SORCS3: variants seen among roughly 807,000 people sequenced by gnomAD.
SORCS3 encodes the protein VPS10 domain-containing receptor SorCS3.
SORCS3 carries 57 observed loss-of-function variants against 146.3 expected under a neutral mutation model. That is an observed-to-expected ratio of 0.39 (90% CI 0.31 to 0.49). SORCS3 has a LOEUF of 0.49. Among genes scored for constraint, SORCS3 ranks in the 20% least tolerant of loss-of-function variants. The pLI, the probability that SORCS3 is intolerant of heterozygous loss-of-function variation, is 0.92. For synonymous variants in SORCS3, 653 were observed against 618.5 expected (o/e 1.06, Z -0.83); for missense variants, 1,341 against 1,575.5 (o/e 0.85, Z 2.52).
chr10:105,169,202 G>T (rs183201174), intron 13 of SORCS3, among the ~76,000 whole-genome samples: 3 of 152,156 alleles, frequency 2.0e-5, no homozygotes, highest in African/African-American at 7.2e-5. Flanking sequence ...CACCAAGTTC[G>T]ATTTCTGTCA....
chr10:104,957,247 C>T (rs1304143775), intron 3 of SORCS3, among the ~76,000 whole-genome samples: 2 of 152,098 alleles, frequency 1.3e-5, no homozygotes, highest in Admixed American at 1.3e-4. Context: ...GAAAATGATT[C>T]GATCTTAAAA....
chr10:105,072,493 A>G (rs790746), intron 5 of SORCS3, among the ~76,000 whole-genome samples: 142,465 of 152,106 alleles, frequency 0.94, 66,759 homozygotes, highest in East Asian at 1. Context: ...TGATGGATAC[A>G]AGCATGAGCA....
At chr10:105,003,205 A>G (rs924111144) in intron 4 of SORCS3, among the ~76,000 whole-genome samples, 45 of 152,184 alleles carry the variant, frequency 3.0e-4, no homozygotes, top group African/African-American at 1.0e-3. Flanking sequence ...CATGGAGTGA[A>G]AGCTGAGGAA....
intron 2 of SORCS3, among the ~76,000 whole-genome samples, chr10:104,854,601 T>TG (rs1466974796): frequency 1.3e-5 from 2 of 152,110 alleles, no homozygotes; most frequent in Non-Finnish European, 2.9e-5. Flanking sequence ...TGAGTTTGTG[T>TG]GGGGGTGTGG....
chr10:105,007,521 T>A (rs2055103839), intron 4 of SORCS3, among the ~76,000 whole-genome samples: 1 of 152,082 alleles, frequency 6.6e-6, no homozygotes, highest in East Asian at 1.9e-4. Context: ...AGAAGTAACT[T>A]TTCCAAGATG....
At chr10:105,191,549 T>C (rs2056517051) in intron 14 of SORCS3, among the ~76,000 whole-genome samples, 1 of 152,180 alleles carries the variant, frequency 6.6e-6, no homozygotes, top group African/African-American at 2.4e-5. Context: ...GTTAGTATGA[T>C]TTTGAATATT....
At chr10:105,123,781 T>C (rs2178147) in intron 7 of SORCS3, among the ~76,000 whole-genome samples, 73,523 of 151,862 alleles carry the variant, frequency 0.48, 18,343 homozygotes, top group Non-Finnish European at 0.54. Context: ...ACTTATTCTG[T>C]CAGTCTCCCA....
intron 7 of SORCS3, 36 bp from the exon 8 acceptor site, chr10:105,139,361 C>T (rs1042708485): frequency 6.7e-7 from 1 of 1,496,820 alleles, no homozygotes; most frequent in South Asian, 1.1e-5. Context: ...GATCTGTGGC[C>T]TCATCTGATC....
intron 12 of SORCS3, among the ~76,000 whole-genome samples, chr10:105,166,526 A>G (rs562578023): frequency 6.8e-4 from 103 of 152,294 alleles, no homozygotes; most frequent in African/African-American, 2.3e-3. Context: ...GGAACCTTGT[A>G]TTGAAGTCAG....
chr10:104,685,341 G>A (rs144791340), intron 1 of SORCS3, among the ~76,000 whole-genome samples: 1 of 152,252 alleles, frequency 6.6e-6, no homozygotes, highest in Non-Finnish European at 1.5e-5. Flanking sequence ...CACCCAGGCT[G>A]CTACTCCCTG....
intron 4 of SORCS3, among the ~76,000 whole-genome samples, chr10:104,993,069 G>T (rs188069486): frequency 6.4e-4 from 97 of 152,276 alleles, no homozygotes; most frequent in African/African-American, 2.3e-3. Flanking sequence ...AGTCACAGGG[G>T]AGAGGGTGCC....
chr10:105,213,865 G>GAA (rs3830282), intron 17 of SORCS3, among the ~76,000 whole-genome samples: 6 of 151,572 alleles, frequency 4.0e-5, no homozygotes, highest in Non-Finnish European at 5.9e-5. Context: ...TTAGCAAGGA[G>GAA]AAAAAAAATG....
chr10:105,071,919 TC>T (rs1830285088), intron 5 of SORCS3, among the ~76,000 whole-genome samples: 1 of 152,134 alleles, frequency 6.6e-6, no homozygotes, highest in Admixed American at 6.5e-5. Flanking sequence ...GCTTGAAAGC[TC>T]ATTGGTTTTA....
chr10:105,138,729 A>G (rs967525332), intron 7 of SORCS3, among the ~76,000 whole-genome samples: 1 of 152,330 alleles, frequency 6.6e-6, no homozygotes, highest in Admixed American at 6.5e-5. Context: ...AAGTGAGGTT[A>G]CAGGGCTTGT....
intron 3 of SORCS3, among the ~76,000 whole-genome samples, chr10:104,968,327 G>A (rs1331835849): frequency 6.6e-6 from 1 of 152,148 alleles, no homozygotes; most frequent in Admixed American, 6.5e-5. Flanking sequence ...TATTGGTCAG[G>A]CTGGTCTCGA....
intron 6 of SORCS3, among the ~76,000 whole-genome samples, chr10:105,096,749 A>G (rs2055749465): frequency 6.6e-6 from 1 of 152,138 alleles, no homozygotes; most frequent in African/African-American, 2.4e-5. Flanking sequence ...GCTGTCCATT[A>G]TGGTAGTCAT....
chr10:105,043,196 A>C, intron 5 of SORCS3, 68 bp downstream of exon 5: 1 of 1,367,540 alleles, frequency 7.3e-7, no homozygotes, highest in Non-Finnish European at 1.0e-6. Flanking sequence ...CACTCTAGAC[A>C]GCTCTGGACA....
chr10:104,788,569 A>G (rs2017463299), intron 1 of SORCS3, among the ~76,000 whole-genome samples: 1 of 152,174 alleles, frequency 6.6e-6, no homozygotes, highest in South Asian at 2.1e-4. Flanking sequence ...TTGTTGAGGG[A>G]AAGGGGAGCC....
chr10:104,864,202 G>C (rs958263180), intron 2 of SORCS3, among the ~76,000 whole-genome samples: 9 of 152,088 alleles, frequency 5.9e-5, no homozygotes, highest in African/African-American at 2.2e-4. Context: ...TTGCTATCTT[G>C]CCCAGAGGTG....
Sources: gnomAD v4.1 joint callset for allele counts (sites outside exome capture counted in the v4.1 genomes callset) on GRCh38, gnomAD v4.1.1 for gene constraint, MANE v1.5 for transcripts, NCBI Gene and HGNC (gene_info 2026-07-23, HGNC 2026-07-21) for gene names.